SLA2: variants seen among roughly 807,000 people sequenced by gnomAD.
SLA2 encodes Src like adaptor 2.
A neutral mutation model predicts 27.3 loss-of-function variants in SLA2; 22 were observed. That is an observed-to-expected ratio of 0.81 (90% CI 0.58 to 1.15). SLA2 has a LOEUF of 1.15. Among genes scored for constraint, SLA2 ranks in the 50% most tolerant of loss-of-function variants. The probability of loss-of-function intolerance (pLI) is 0.00; values close to 1 mark genes in which losing one functional copy is unlikely to be tolerated. For missense variants in SLA2, 304 were observed against 322.2 expected, an observed-to-expected ratio of 0.94 and a Z score of 0.43; for synonymous variants, 131 against 137.8, an observed-to-expected ratio of 0.95 and a Z score of 0.34.
intron 3 of SLA2, 44 bp from the exon 4 acceptor site, chr20:36,633,673 A>C: frequency 6.5e-7 from 1 of 1,530,200 alleles, no homozygotes; most frequent in Non-Finnish European, 9.1e-7. Context: ...AGATGAGCCA[A>C]GGCCCCGACA....
chr20:36,621,639 CA>C (rs1209081325), intron 5 of SLA2, among the ~76,000 whole-genome samples: 5 of 148,296 alleles, frequency 3.4e-5, no homozygotes, highest in African/African-American at 7.4e-5. Flanking sequence ...CAAAACAAAA[CA>C]AAACAAAAAA....
chr20:36,640,304 AT>A (rs2039493503), intron 2 of SLA2, among the ~76,000 whole-genome samples: 1 of 152,014 alleles, frequency 6.6e-6, no homozygotes, highest in South Asian at 2.1e-4. Context: ...GTATTAAAAA[AT>A]ATATATATAC....
At chr20:36,644,128 G>A (rs1978285838) in intron 1 of SLA2, among the ~76,000 whole-genome samples, 1 of 152,152 alleles carries the variant, frequency 6.6e-6, no homozygotes, top group Non-Finnish European at 1.5e-5. Context: ...CACTGAAATG[G>A]TGCTGCTGTT....
At chr20:36,643,674 G>C (rs1272507870) in intron 1 of SLA2, among the ~76,000 whole-genome samples, 1 of 152,184 alleles carries the variant, frequency 6.6e-6, no homozygotes, top group Admixed American at 6.5e-5. Flanking sequence ...TACCTGGGCC[G>C]GGCGCGGTGG....
At chr20:36,645,557 C>A (rs1187180348) in intron 1 of SLA2, among the ~76,000 whole-genome samples, 1 of 152,168 alleles carries the variant, frequency 6.6e-6, no homozygotes, top group East Asian at 1.9e-4. Flanking sequence ...AGTCACACAG[C>A]AAGTGCGCAC....
At chr20:36,630,167 C>A (rs1366644864) in intron 5 of SLA2, among the ~76,000 whole-genome samples, 1 of 152,138 alleles carries the variant, frequency 6.6e-6, no homozygotes, top group Non-Finnish European at 1.5e-5. Context: ...TGCTCCACTC[C>A]GCAACGCTGC....
rs1175945445 is a variant in SLA2 at position 36,637,193 on chromosome 20, A to ATT, written c.92-2606_92-2605dup. 9.1e-4 allele frequency among the ~76,000 whole-genome samples: 80 copies of ATT among 87,990 alleles called. 1 individual carries two copies. The highest frequency in any genetic ancestry group is 1.6e-3 in the African/African-American group (30 of 19,084). 57.7% of individuals were successfully genotyped at this position (87,990 alleles called of 152,430 possible). ...CTACCTCTAAGGTGCGCGTGTGTGTATTTTTTTTTTTTTTTTTTTTTTTTT... is the reference window on the plus strand; with the variant it reads ...CTACCTCTAAGGTGCGCGTGTGTGTATTTTTTTTTTTTTTTTTTTTTTTTTTT... On this transcript the variant is annotated intron_variant, in intron 2 of 7. Coordinates refer to ENST00000262866, the MANE Select transcript of SLA2 (RefSeq NM_032214.4).
chr20:36,636,956 C>A (rs1161823088), intron 2 of SLA2, among the ~76,000 whole-genome samples: 1 of 151,490 alleles, frequency 6.6e-6, no homozygotes, highest in Non-Finnish European at 1.5e-5. Context: ...GTCCCCCACC[C>A]CCCCCAAAAA....
At chr20:36,620,909 AAG>A in intron 5 of SLA2, 1 of 293,114 alleles carries the variant, frequency 3.4e-6, no homozygotes, top group South Asian at 3.8e-5. Flanking sequence ...TGAAGTGAAA[AAG>A]GCCCTTACTA....
intron 5 of SLA2, chr20:36,621,032 G>A: frequency 2.8e-6 from 1 of 355,130 alleles, no homozygotes. Flanking sequence ...GGCTGCAGTG[G>A]AAACTTTGGT....
Position 36,621,530 on chromosome 20 carries a change from G to C in SLA2, c.383-6156C>G. On this transcript the variant is annotated intron_variant, in intron 5 of 7. Transcript: ENST00000262866. ...GATCTCGGCTCACTGCAGGATCTCT[G>C]CAGGAGAATCGCTTGAACCCGGGAG... The C allele has an allele frequency of 1.9e-5, 3 of 154,212 alleles. No homozygotes were observed. In the South Asian group the frequency reaches 4.5e-4, roughly 23 times the overall value. 9.6% of individuals were successfully genotyped at this position (154,212 alleles called of 1,614,324 possible).
chr20:36,635,339 G>C (rs1281056417), intron 2 of SLA2, among the ~76,000 whole-genome samples: 2 of 150,382 alleles, frequency 1.3e-5, no homozygotes, highest in East Asian at 1.9e-4. Flanking sequence ...AAGCAGCCAG[G>C]GTCAGCAAGA....
intron 5 of SLA2, among the ~76,000 whole-genome samples, chr20:36,624,638 G>A (rs958076384): frequency 3.3e-5 from 5 of 152,226 alleles, no homozygotes; most frequent in Non-Finnish European, 7.3e-5. Context: ...ACGATTACAA[G>A]CAGTTTTAAG....
intron 7 of SLA2, 67 bp downstream of exon 7, chr20:36,614,238 C>T (rs6101438): frequency 1.2e-6 from 2 of 1,612,326 alleles, no homozygotes; most frequent in Non-Finnish European, 1.7e-6. Flanking sequence ...CGGGTTGTGG[C>T]TTCCCAGGGG....
chr20:36,633,255 A>G (rs1034713633), intron 4 of SLA2, among the ~76,000 whole-genome samples: 2 of 152,006 alleles, frequency 1.3e-5, no homozygotes, highest in South Asian at 2.1e-4. Flanking sequence ...ACATGCTGCC[A>G]TCTCCTACGT....
intron 5 of SLA2, among the ~76,000 whole-genome samples, chr20:36,627,889 G>T (rs1282355986): frequency 2.0e-5 from 3 of 152,208 alleles, no homozygotes; most frequent in South Asian, 2.1e-4. Flanking sequence ...CCACATGCAG[G>T]CTTGAAGCTC....
intron 2 of SLA2, 82 bp downstream of exon 2, chr20:36,641,163 T>A (rs979147148): frequency 2.4e-5 from 28 of 1,184,942 alleles, no homozygotes; most frequent in Admixed American, 1.9e-4. Flanking sequence ...GTGTTGGAGC[T>A]GCTGGCCAGG....
intron 1 of SLA2, among the ~76,000 whole-genome samples, chr20:36,644,658 G>A (rs1352452258): frequency 1.3e-5 from 2 of 152,302 alleles, no homozygotes; most frequent in East Asian, 3.9e-4. Flanking sequence ...ATAAGCCCCT[G>A]GGGGCAAAAT....
intron 5 of SLA2, chr20:36,620,768 C>T: frequency 5.9e-6 from 1 of 169,096 alleles, no homozygotes; most frequent in Non-Finnish European, 1.3e-5. Flanking sequence ...CAGGGTTTCA[C>T]CTTGTTGGTC....
Sources: allele counts gnomAD v4.1 joint callset (sites outside exome capture counted in the v4.1 genomes callset), GRCh38; gene constraint gnomAD v4.1.1; transcripts MANE v1.5; gene names NCBI Gene and HGNC (gene_info 2026-07-23, HGNC 2026-07-21).